Variants in ATP2B4 observed in about 807,000 individuals in gnomAD.
The protein encoded by ATP2B4 is ATPase plasma membrane Ca2+ transporting 4.
Under a neutral mutation model 110.3 loss-of-function variants are expected in ATP2B4, and 39 were observed. The observed-to-expected ratio is 0.35, with a 90% CI of 0.27 to 0.46. ATP2B4 has a LOEUF of 0.46. ATP2B4 is among the 20% of genes least tolerant of loss of function. The pLI is 1.00. For synonymous variants in ATP2B4, 538 were observed against 571.7 expected, an observed-to-expected ratio of 0.94 and a Z score of 0.84; for missense variants, 1,135 against 1,530.9, an observed-to-expected ratio of 0.74 and a Z score of 4.32.
chr1:203,709,134 G>A (rs760235783), intron 10 of ATP2B4, among the ~76,000 whole-genome samples, 167 bp from the exon 11 acceptor site: 7 of 152,126 alleles, frequency 4.6e-5, no homozygotes, highest in Non-Finnish European at 1.0e-4. Context: ...TCCAGGCTGG[G>A]CAACAGAGCG....
At chr1:203,685,170 T>TA (rs1309288085) in intron 2 of ATP2B4, among the ~76,000 whole-genome samples, 1 of 152,182 alleles carries the variant, frequency 6.6e-6, no homozygotes, top group Non-Finnish European at 1.5e-5. Context: ...TCTTAAAAGC[T>TA]AAAAAAACTT....
chr1:203,720,419 CTT>C lies in ATP2B4; in HGVS notation c.2407-128_2407-127del, dbSNP rs1361307752. Reference sequence around the variant, plus strand: ...CTAGAGTGACAGTGACACATTTGCTCTTTGTTTTCTTTTGTGTGACTAGTGTG... The same window carrying C: ...CTAGAGTGACAGTGACACATTTGCTCTGTTTTCTTTTGTGTGACTAGTGTG... On this transcript the variant is annotated intron_variant, in intron 15 of 20. Coordinates refer to ENST00000357681, the MANE Select transcript of ATP2B4 (RefSeq NM_001684.5). 4.5e-6 allele frequency: 4 copies of C among 893,642 alleles called. 1 individual carries two copies. The highest frequency in any genetic ancestry group is 2.1e-5 in the South Asian group (1 of 46,562). The allele number at this position is 893,642 out of a possible 1,614,324, so 55.4% of individuals were successfully genotyped here.
chr1:203,652,426 G>A (rs76428858), intron 1 of ATP2B4, among the ~76,000 whole-genome samples: 71 of 152,096 alleles, frequency 4.7e-4, no homozygotes, highest in Non-Finnish European at 7.9e-4. Flanking sequence ...GATTACAGGC[G>A]TGAGCCACTA....
intron 1 of ATP2B4, among the ~76,000 whole-genome samples, chr1:203,645,572 T>C (rs554394614): frequency 6.6e-6 from 1 of 151,962 alleles, no homozygotes; most frequent in Non-Finnish European, 1.5e-5. Flanking sequence ...CCTTCCCAGC[T>C]TATACTCCCT....
At chr1:203,705,242 G>A (rs1342254185) in intron 8 of ATP2B4, among the ~76,000 whole-genome samples, 1 of 152,124 alleles carries the variant, frequency 6.6e-6, no homozygotes, top group Non-Finnish European at 1.5e-5. Flanking sequence ...GTCCATTCTG[G>A]TACCCAGCTA....
chr1:203,664,487 T>C (rs77593050), intron 1 of ATP2B4, among the ~76,000 whole-genome samples: 7,142 of 152,270 alleles, frequency 0.047, 383 homozygotes, highest in African/African-American at 0.13. Flanking sequence ...TCCTTTCAAC[T>C]TTGGTATGGG....
chr1:203,630,299 G>T (rs577416276), intron 1 of ATP2B4, among the ~76,000 whole-genome samples: 20 of 151,574 alleles, frequency 1.3e-4, no homozygotes, highest in African/African-American at 4.4e-4. Flanking sequence ...ACCGGAAACT[G>T]CCCCTTATTC....
Position 203,739,954 on chromosome 1 carries a change from C to T in ATP2B4, c.*100C>T. On this transcript the variant is annotated 3_prime_UTR_variant, in exon 21 of 21. Transcript: ENST00000357681. ...GGACTTTTCATTGTCACGTCAGCTG[C>T]TGTGTTAACAGCAGTGTGTGTGAAG... 1 of 1,272,276 alleles carries T rather than the reference C, an allele frequency of 7.9e-7. No individual in the cohort carries two copies. The highest frequency in any genetic ancestry group is 1.5e-5 in the South Asian group (1 of 66,862). The allele number at this position is 1,272,276 out of a possible 1,614,324, so 78.8% of individuals were successfully genotyped here. A position where few individuals can be genotyped will look rare whatever the true frequency, so the allele number is the denominator to read the frequency against.
In ATP2B4 at chr1:203,721,060, T is replaced by C. The variant is rs1226668901; in HGVS notation, c.2599-137T>C. ...GAACTTGAGGCTCAAGGAAGTTAAGTAGCTTTCTCACAGTCACTCAGCTAG... is the reference window on the plus strand; with the variant it reads ...GAACTTGAGGCTCAAGGAAGTTAAGCAGCTTTCTCACAGTCACTCAGCTAG... On this transcript the variant is annotated intron_variant, in intron 16 of 20. Coordinates refer to ENST00000357681, the MANE Select transcript of ATP2B4 (RefSeq NM_001684.5). The C allele has an allele frequency of 6.6e-6, 6 of 903,526 alleles. No individual in the cohort carries two copies. In the East Asian group the frequency reaches 1.6e-4, roughly 23 times the overall value. 56.0% of individuals were successfully genotyped at this position (903,526 alleles called of 1,614,324 possible).
chr1:203,691,968 G>C (rs1056264910), intron 2 of ATP2B4, among the ~76,000 whole-genome samples: 12 of 149,342 alleles, frequency 8.0e-5, no homozygotes, highest in African/African-American at 2.7e-4. Context: ...TGCAAGCTCC[G>C]CCTCCCGTGT....
chr1:203,712,962 G>T (rs1478051340), intron 13 of ATP2B4, among the ~76,000 whole-genome samples: 1 of 152,180 alleles, frequency 6.6e-6, no homozygotes, highest in African/African-American at 2.4e-5. Flanking sequence ...AAGAAAAAAA[G>T]CAGGGCCTGA....
At chr1:203,731,296 A>G (rs1202478518) in intron 20 of ATP2B4, among the ~76,000 whole-genome samples, 1 of 152,212 alleles carries the variant, frequency 6.6e-6, no homozygotes, top group Non-Finnish European at 1.5e-5. Context: ...AGGAAGCTTT[A>G]TAAAAGGACT....
intron 11 of ATP2B4, 108 bp downstream of exon 11, chr1:203,709,650 T>C: frequency 6.5e-7 from 1 of 1,529,282 alleles, no homozygotes; most frequent in Admixed American, 1.9e-5. Flanking sequence ...TCCAGCCAGG[T>C]GGTGACATAA....
chr1:203,703,292 ACT>A (rs1040467215), intron 7 of ATP2B4, among the ~76,000 whole-genome samples: 8 of 152,138 alleles, frequency 5.3e-5, no homozygotes, highest in Admixed American at 2.6e-4. Flanking sequence ...TATTTTAAGC[ACT>A]GAGTTCCAGG....
Position 203,724,041 on chromosome 1 carries a change from T to C in ATP2B4, c.3132+53T>C, listed in dbSNP as rs2102219981. On this transcript the variant is annotated intron_variant, in intron 19 of 20. Coordinates refer to ENST00000357681, the MANE Select transcript of ATP2B4 (RefSeq NM_001684.5). ...ATTCTCACAGCCTGCAGAACTCCCC[T>C]CCTCTACATGAGATGGAACAAGCAA... 3 of 1,481,684 alleles carry C rather than the reference T, an allele frequency of 2.0e-6. No homozygotes were observed. In the South Asian group the frequency reaches 3.7e-5, roughly 18 times the overall value. 91.8% of individuals were successfully genotyped at this position (1,481,684 alleles called of 1,614,324 possible).
chr1:203,724,769 A>T (rs75330679), intron 19 of ATP2B4, among the ~76,000 whole-genome samples: 1 of 151,656 alleles, frequency 6.6e-6, no homozygotes, highest in Non-Finnish European at 1.5e-5. Flanking sequence ...CTTACCTGAG[A>T]TAAATTCAGA....
chr1:203,633,003 A>G (rs1049281186), intron 1 of ATP2B4, among the ~76,000 whole-genome samples: 5 of 152,314 alleles, frequency 3.3e-5, no homozygotes, highest in South Asian at 2.1e-4. Context: ...TCTAAGTACA[A>G]CTTCCCACGG....
At chr1:203,737,452 T>A (rs1666903046) in intron 20 of ATP2B4, among the ~76,000 whole-genome samples, 1 of 152,212 alleles carries the variant, frequency 6.6e-6, no homozygotes, top group Non-Finnish European at 1.5e-5. Flanking sequence ...TGGACCCATC[T>A]CTTGGCCAGT....
intron 1 of ATP2B4, among the ~76,000 whole-genome samples, chr1:203,644,278 T>TTGGA (rs551626398): frequency 1.4e-5 from 2 of 147,312 alleles, no homozygotes; most frequent in African/African-American, 2.5e-5. Context: ...AAAAGAATGC[T>TTGGA]TGGATGGATG....
Sources: gnomAD v4.1 joint callset for allele counts (sites outside exome capture counted in the v4.1 genomes callset) on GRCh38, gnomAD v4.1.1 for gene constraint, MANE v1.5 for transcripts, NCBI Gene and HGNC (gene_info 2026-07-23, HGNC 2026-07-21) for gene names.